UBE2E2: variants seen among roughly 807,000 people sequenced by gnomAD.
UBE2E2 encodes ubiquitin-conjugating enzyme E2 E2.
In UBE2E2, 6 loss-of-function variants were observed where a neutral mutation model predicts 24.7. The observed-to-expected ratio is 0.24, with a 90% CI of 0.13 to 0.48. The LOEUF (loss-of-function observed/expected upper bound fraction) is 0.48. UBE2E2 is among the 20% of genes least tolerant of loss of function. UBE2E2 has a pLI of 0.99. For missense variants in UBE2E2, 169 were observed against 245.0 expected, an observed-to-expected ratio of 0.69 and a Z score of 2.07; for synonymous variants, 104 against 83.6, an observed-to-expected ratio of 1.24 and a Z score of -1.33.
chr3:23,567,382 G>C (rs771544183), intron 5 of UBE2E2, among the ~76,000 whole-genome samples: 4 of 152,148 alleles, frequency 2.6e-5, no homozygotes, highest in Non-Finnish European at 5.9e-5. Context: ...CAGTATGTTC[G>C]AGTTCAGGCA....
At chr3:23,252,265 A>G (rs1050646662) in intron 3 of UBE2E2, among the ~76,000 whole-genome samples, 19 of 152,206 alleles carry the variant, frequency 1.2e-4, no homozygotes, top group African/African-American at 4.6e-4. Flanking sequence ...TCTATGAACT[A>G]TACAGCAGTG....
intron 4 of UBE2E2, among the ~76,000 whole-genome samples, chr3:23,515,699 A>C (rs1164374914): frequency 6.6e-6 from 1 of 152,048 alleles, no homozygotes; most frequent in African/African-American, 2.4e-5. Context: ...GCTAACGCCT[A>C]TAATCCCAGC....
At chr3:23,312,795 AT>A (rs1190271970) in intron 3 of UBE2E2, among the ~76,000 whole-genome samples, 1 of 152,030 alleles carries the variant, frequency 6.6e-6, no homozygotes, top group African/African-American at 2.4e-5. Flanking sequence ...TTGTGTTTTC[AT>A]TATCATTTGT....
chr3:23,244,898 A>G (rs1697353964), intron 3 of UBE2E2, among the ~76,000 whole-genome samples: 1 of 152,174 alleles, frequency 6.6e-6, no homozygotes, highest in Non-Finnish European at 1.5e-5. Flanking sequence ...TCTGAAGAAC[A>G]GTGATAAATT....
intron 3 of UBE2E2, among the ~76,000 whole-genome samples, chr3:23,223,840 G>A (rs951998365): frequency 2.0e-5 from 3 of 152,018 alleles, no homozygotes; most frequent in Non-Finnish European, 2.9e-5. Flanking sequence ...GAGAGATAGG[G>A]GTTTAGTTTC....
Position 23,584,883 on chromosome 3 carries a change from C to G in UBE2E2, c.509-4851C>G, listed in dbSNP as rs1210446765. On this transcript the variant is annotated intron_variant, in intron 5 of 5. Coordinates refer to ENST00000396703, the MANE Select transcript of UBE2E2 (RefSeq NM_152653.4). ...CGCTGTGCCCAGTTGGTATGACAGT[C>G]TTTCACTCGCTTGCAAATAATAGTG... 2.0e-5 allele frequency among the ~76,000 whole-genome samples: 3 copies of G among 151,984 alleles called. No homozygotes were observed. In the South Asian group the frequency reaches 6.2e-4, roughly 32 times the overall value.
intron 1 of UBE2E2, chr3:23,204,546 G>C (rs1398876445): frequency 7.5e-6 from 2 of 267,610 alleles, no homozygotes; most frequent in Non-Finnish European, 1.2e-5. Flanking sequence ...TGATAATTCA[G>C]TCTGGACTTT....
chr3:23,301,139 T>A (rs1296318411), intron 3 of UBE2E2, among the ~76,000 whole-genome samples: 1 of 152,192 alleles, frequency 6.6e-6, no homozygotes, highest in Non-Finnish European at 1.5e-5. Context: ...CTCCATCAGG[T>A]CCTTTAAGGA....
intron 3 of UBE2E2, among the ~76,000 whole-genome samples, chr3:23,353,545 A>T (rs1032440439): frequency 3.9e-5 from 6 of 152,212 alleles, no homozygotes; most frequent in Non-Finnish European, 5.9e-5. Flanking sequence ...AAGTCTCAGG[A>T]TACAAAATCA....
chr3:23,516,487 A>G (rs193299852), intron 4 of UBE2E2, among the ~76,000 whole-genome samples: 17 of 152,318 alleles, frequency 1.1e-4, no homozygotes, highest in Admixed American at 4.6e-4. Context: ...AACAAAAAAA[A>G]TCTTGTTCCT....
intron 3 of UBE2E2, among the ~76,000 whole-genome samples, chr3:23,291,508 G>T (rs549214337): frequency 6.6e-6 from 1 of 152,180 alleles, no homozygotes; most frequent in Non-Finnish European, 1.5e-5. Flanking sequence ...TTAATAAAAT[G>T]CAGAGACCGT....
intron 3 of UBE2E2, among the ~76,000 whole-genome samples, chr3:23,461,459 A>C (rs1224537192): frequency 1.3e-5 from 2 of 152,010 alleles, no homozygotes; most frequent in Non-Finnish European, 2.9e-5. Context: ...TGACTCATAC[A>C]TATTTGAAAA....
chr3:23,334,368 C>T (rs184595668), intron 3 of UBE2E2, among the ~76,000 whole-genome samples: 2 of 151,930 alleles, frequency 1.3e-5, no homozygotes, highest in East Asian at 3.9e-4. Context: ...TCTAAGCCCT[C>T]GAGATCTCTT....
In UBE2E2 at chr3:23,208,884, G is replaced by C; in HGVS notation, c.176+9G>C. 6.2e-7 allele frequency: 1 copy of C among 1,602,282 alleles called. No individual in the cohort carries two copies. ...TCAACTAGTGCTAAAAGGTACTTCA[G>C]TTATTATAACCTTTTTATTGTTGGT... On this transcript the variant is annotated intron_variant, in intron 2 of 5. Coordinates refer to ENST00000396703, the MANE Select transcript of UBE2E2 (RefSeq NM_152653.4).
chr3:23,300,679 G>T (rs1699050228), intron 3 of UBE2E2, among the ~76,000 whole-genome samples: 1 of 152,136 alleles, frequency 6.6e-6, no homozygotes, highest in Non-Finnish European at 1.5e-5. Context: ...GCTTCCCTTT[G>T]TGGGTAACCC....
intron 3 of UBE2E2, among the ~76,000 whole-genome samples, chr3:23,262,005 T>C (rs1403542407): frequency 6.6e-6 from 1 of 152,238 alleles, no homozygotes. Flanking sequence ...GTAGCATTGC[T>C]AAAACAATGT....
At chr3:23,371,596 A>C (rs372372719) in intron 3 of UBE2E2, among the ~76,000 whole-genome samples, 2 of 152,170 alleles carry the variant, frequency 1.3e-5, no homozygotes, top group African/African-American at 4.8e-5. Flanking sequence ...TTTGTTAGAA[A>C]TATATTGGGG....
chr3:23,350,788 A>T (rs887194688), intron 3 of UBE2E2, among the ~76,000 whole-genome samples: 3 of 152,330 alleles, frequency 2.0e-5, no homozygotes, highest in Admixed American at 6.5e-5. Context: ...ACGGGGAGAA[A>T]GGAACCAAGT....
intron 3 of UBE2E2, among the ~76,000 whole-genome samples, chr3:23,265,793 A>G (rs1698032314): frequency 6.6e-6 from 1 of 152,184 alleles, no homozygotes; most frequent in Non-Finnish European, 1.5e-5. Flanking sequence ...GTCTCTTTGT[A>G]GGTCTCTAAG....
Sources: allele counts gnomAD v4.1 joint callset (sites outside exome capture counted in the v4.1 genomes callset), GRCh38; gene constraint gnomAD v4.1.1; transcripts MANE v1.5; gene names NCBI Gene and HGNC (gene_info 2026-07-23, HGNC 2026-07-21).